The following CCN6 variants were observed in gnomAD, a reference collection of about 807,000 sequenced individuals.
CCN6 encodes cellular communication network factor 6, also known as CCN family member 6.
CCN6 carries 31 observed loss-of-function variants against 37.4 expected under a neutral mutation model. The observed-to-expected ratio is 0.83, with a 90% CI of 0.62 to 1.12. The LOEUF (loss-of-function observed/expected upper bound fraction) is 1.12. Ranked by LOEUF, CCN6 falls within the 50% of genes most tolerant of loss-of-function variation. The probability of loss-of-function intolerance (pLI) is 0.00; values close to 1 mark genes in which losing one functional copy is unlikely to be tolerated. For missense variants in CCN6, 369 were observed against 413.8 expected (o/e 0.89, Z 0.94); for synonymous variants, 137 against 142.1 (o/e 0.96, Z 0.26).
intron 1 of CCN6, chr6:112,059,889 A>G: frequency 8.2e-7 from 1 of 1,226,582 alleles, no homozygotes. Flanking sequence ...TGTGTAGGTA[A>G]TAAGAAAGGT....
intron 2 of CCN6, among the ~76,000 whole-genome samples, chr6:112,061,937 C>T (rs1776537258): frequency 6.6e-6 from 1 of 152,164 alleles, no homozygotes; most frequent in Admixed American, 6.5e-5. Context: ...ACTCATGTCA[C>T]CTGGGCAGTT....
intron 2 of CCN6, 184 bp downstream of exon 2, chr6:112,061,472 C>A: frequency 2.8e-6 from 2 of 713,670 alleles, no homozygotes; most frequent in South Asian, 1.8e-5. Context: ...GATGCTTACA[C>A]ACATTCAGAA....
At chr6:112,061,922 G>T (rs1316439584) in intron 2 of CCN6, among the ~76,000 whole-genome samples, 4 of 152,190 alleles carry the variant, frequency 2.6e-5, no homozygotes, top group Non-Finnish European at 5.9e-5. Context: ...TAAGGGAAGA[G>T]AAACACTCAT....
chr6:112,064,456 A>C lies in CCN6; in HGVS notation c.347-299A>C, dbSNP rs79532283. Among the ~76,000 whole-genome samples the C allele has an allele frequency of 1.7e-3, 261 of 152,356 alleles. 4 individuals carry two copies. The highest frequency in any genetic ancestry group is 6.1e-3 in the African/African-American group (255 of 41,586). On this transcript the variant is annotated intron_variant, in intron 2 of 4. Transcript: ENST00000368666. ...TCTGAGAAAACCTGTCTCACTAGGCATTAACCTGTCTCAGATTTATTATCA... is the reference window on the plus strand; with the variant it reads ...TCTGAGAAAACCTGTCTCACTAGGCCTTAACCTGTCTCAGATTTATTATCA...
intron 2 of CCN6, 186 bp downstream of exon 2, chr6:112,061,474 C>T (rs1425428058): frequency 7.3e-6 from 5 of 687,774 alleles, no homozygotes; most frequent in Non-Finnish European, 1.2e-5. Context: ...TGCTTACACA[C>T]ATTCAGAAGC....
intron 1 of CCN6, among the ~76,000 whole-genome samples, chr6:112,056,902 A>G (rs1776364438): frequency 6.6e-6 from 1 of 151,518 alleles, no homozygotes; most frequent in African/African-American, 2.4e-5. Flanking sequence ...CTTCTTCTCA[A>G]TCTCTTCCTC....
intron 3 of CCN6, among the ~76,000 whole-genome samples, chr6:112,066,677 T>C (rs587682945): frequency 6.6e-6 from 1 of 152,328 alleles, no homozygotes; most frequent in East Asian, 1.9e-4. Flanking sequence ...AAATTAACCA[T>C]AATGACAAAA....
At chr6:112,064,732 AT>A (rs1554313505) in intron 2 of CCN6, 22 bp from the exon 3 acceptor site, 1 of 1,613,846 alleles carries the variant, frequency 6.2e-7, no homozygotes, top group South Asian at 1.1e-5. Flanking sequence ...TTCTTTGGCA[AT>A]TTTGCTCTTT....
At chr6:112,061,352 A>G in intron 2 of CCN6, 64 bp downstream of exon 2, 1 of 1,610,168 alleles carries the variant, frequency 6.2e-7, no homozygotes, top group Non-Finnish European at 8.5e-7. Flanking sequence ...TTTTTCCTGC[A>G]ATTGTTAGCT....
chr6:112,065,632 A>ACACG (rs1328286128), intron 3 of CCN6, among the ~76,000 whole-genome samples: 46 of 146,756 alleles, frequency 3.1e-4, no homozygotes, highest in African/African-American at 1.0e-3. Flanking sequence ...GCACGCACAC[A>ACACG]CACACACACA....
chr6:112,062,649 C>A lies in CCN6; in HGVS notation c.346+1361C>A, dbSNP rs77915057. Among the ~76,000 whole-genome samples the A allele has an allele frequency of 7.8e-3, 1,195 of 152,314 alleles. 27 individuals are homozygous for A. Among genetic ancestry groups the A allele is most frequent in the African/African-American group, 0.027 (1,138 of 41,562 alleles). On this transcript the variant is annotated intron_variant, in intron 2 of 4. Coordinates refer to ENST00000368666, the MANE Select transcript of CCN6 (RefSeq NM_198239.2). ...CTGAGGGTCAAATCTAGCCAACAGC[C>A]TGTTTTTGTAAATAATGCTTTATTG... is the stretch of plus-strand genomic sequence containing the variant.
intron 3 of CCN6, among the ~76,000 whole-genome samples, chr6:112,067,425 CCT>C (rs1360326606): frequency 6.6e-6 from 1 of 152,084 alleles, no homozygotes; most frequent in East Asian, 1.9e-4. Flanking sequence ...ATTATTAGAC[CCT>C]CTTATATTCT....
upstream of CCN6, among the ~76,000 whole-genome samples, chr6:112,053,468 T>G (rs1360724103): frequency 6.6e-6 from 1 of 151,662 alleles, no homozygotes; most frequent in South Asian, 2.1e-4. Flanking sequence ...GGCTAATTTT[T>G]GTGTCTTTTT....
intron 1 of CCN6, among the ~76,000 whole-genome samples, chr6:112,059,741 T>C (rs1776454552): frequency 6.6e-6 from 1 of 152,228 alleles, no homozygotes; most frequent in South Asian, 2.1e-4. Context: ...CTGCACGCTG[T>C]TGCTATGAAG....
chr6:112,062,257 C>T (rs587603886), intron 2 of CCN6, among the ~76,000 whole-genome samples: 11 of 152,258 alleles, frequency 7.2e-5, no homozygotes, highest in South Asian at 2.1e-4. Context: ...TGACATAAAA[C>T]GCCTAGCACA....
chr6:112,064,338 A>G (rs2114455241), intron 2 of CCN6, among the ~76,000 whole-genome samples: 1 of 152,334 alleles, frequency 6.6e-6, no homozygotes, highest in Admixed American at 6.5e-5. Context: ...AACCATCAGT[A>G]CCTTGCGGTT....
rs1308565263 is a variant in CCN6 at position 112,054,512 on chromosome 6, G to A, written c.48+107G>A. 6.5e-6 allele frequency: 7 copies of A among 1,080,180 alleles called. No homozygotes were observed. The East Asian group carries it at 1.7e-4, about 26-fold the overall frequency. 66.9% of individuals were successfully genotyped at this position (1,080,180 alleles called of 1,614,324 possible). A position where few individuals can be genotyped will look rare whatever the true frequency, so the allele number is the denominator to read the frequency against. On this transcript the variant is annotated intron_variant, in intron 1 of 4. Transcript: ENST00000368666. ...AGATGGAGGAAGAGGGAGGATCAATGGCTTGTGGAACTACTTCATGAGAAA... is the reference window on the plus strand; with the variant it reads ...AGATGGAGGAAGAGGGAGGATCAATAGCTTGTGGAACTACTTCATGAGAAA...
chr6:112,065,244 G>A (rs1173776872), intron 3 of CCN6, among the ~76,000 whole-genome samples: 1 of 152,070 alleles, frequency 6.6e-6, no homozygotes, highest in Non-Finnish European at 1.5e-5. Context: ...ACTAGGTCAG[G>A]AAGCTCTACT....
chr6:112,062,749 T>C (rs1554313133), intron 2 of CCN6, among the ~76,000 whole-genome samples: 1 of 152,238 alleles, frequency 6.6e-6, no homozygotes. Context: ...AAACACTCTC[T>C]GGCTTGCAAA....
Sources: gnomAD v4.1 joint callset for allele counts (sites outside exome capture counted in the v4.1 genomes callset) on GRCh38, gnomAD v4.1.1 for gene constraint, MANE v1.5 for transcripts, NCBI Gene and HGNC (gene_info 2026-07-23, HGNC 2026-07-21) for gene names.